The following CACNG1 variants were observed in gnomAD, a reference collection of about 807,000 sequenced individuals.
CACNG1 encodes voltage-dependent calcium channel gamma-1 subunit.
Under a neutral mutation model 22.0 loss-of-function variants are expected in CACNG1, and 21 were observed. The observed-to-expected ratio is 0.95, with a 90% confidence interval of 0.68 to 1.37. The LOEUF (loss-of-function observed/expected upper bound fraction) is 1.37. CACNG1 is among the 40% of genes most tolerant of loss of function. The probability of loss-of-function intolerance (pLI) is 0.00; values close to 1 mark genes in which losing one functional copy is unlikely to be tolerated. For synonymous variants in CACNG1, 127 were observed against 129.2 expected, an observed-to-expected ratio of 0.98 and a Z score of 0.12; for missense variants, 291 against 308.6, an observed-to-expected ratio of 0.94 and a Z score of 0.43.
Position 67,056,058 on chromosome 17 carries a change from C to G in CACNG1, c.456C>G (p.Leu152=). ...CTCTGCCCCCAGGTCTCTGCATCCT[C>G]GTCTCGGTGGAGGTCATGCGGCAGT... The part of the protein sequence containing the change: ...MFYAFAGLCI[L]VSVEVMRQSV... Residue 152 remains leucine (L), a synonymous_variant, in exon 4 of 4, where the codon CTC becomes CTG. Coordinates refer to ENST00000226021, the MANE Select transcript of CACNG1 (RefSeq NM_000727.4). This position sits in a 1 kb window ranked among gnomAD's most constrained non-coding sequence, Gnocchi z 4.3. 6.2e-7 allele frequency: 1 copy of G among 1,611,248 alleles called. No homozygotes were observed. Among genetic ancestry groups the G allele is most frequent in the South Asian group, 1.1e-5 (1 of 91,050 alleles).
intron 1 of CACNG1, among the ~76,000 whole-genome samples, chr17:67,046,257 G>C (rs2035696468): frequency 6.6e-6 from 1 of 152,230 alleles, no homozygotes; most frequent in African/African-American, 2.4e-5. Context: ...CAGTGGAGCA[G>C]AGTGATGTCA....
chr17:67,054,116 T>C lies in CACNG1; in HGVS notation c.304+46T>C, dbSNP rs778716870. 2.7e-6 allele frequency: 4 copies of C among 1,469,540 alleles called. No homozygotes were observed. The highest frequency in any genetic ancestry group is 3.8e-6 in the Non-Finnish European group (4 of 1,048,210). 91.0% of individuals were successfully genotyped at this position (1,469,540 alleles called of 1,614,324 possible). A position where few individuals can be genotyped will look rare whatever the true frequency, so the allele number is the denominator to read the frequency against. On this transcript the variant is annotated intron_variant, in intron 2 of 3. Coordinates refer to ENST00000226021, the MANE Select transcript of CACNG1 (RefSeq NM_000727.4). The surrounding 1 kb of genome is among the most constrained non-coding windows in gnomAD (Gnocchi z 4.6). ...GTCTGGGGTGACAAGAGGGGACTTC[T>C]GTGTTGTGCACCACTGGGCCAGAAA...
chr17:67,053,176 A>T (rs902996922), intron 1 of CACNG1, among the ~76,000 whole-genome samples: 4 of 152,176 alleles, frequency 2.6e-5, no homozygotes, highest in East Asian at 3.9e-4. Context: ...TCTCGCAAAG[A>T]CCAGGGACCC....
At chr17:67,048,851 A>T (rs1463713801) in intron 1 of CACNG1, among the ~76,000 whole-genome samples, 2 of 152,200 alleles carry the variant, frequency 1.3e-5, no homozygotes, top group African/African-American at 4.8e-5. Context: ...CTTTAAGATA[A>T]GTCAGTTGAG....
intron 1 of CACNG1, among the ~76,000 whole-genome samples, chr17:67,045,381 C>T (rs2035690605): frequency 6.6e-6 from 1 of 152,144 alleles, no homozygotes; most frequent in African/African-American, 2.4e-5. Flanking sequence ...TCCAAATTAC[C>T]AAGGATTTCA....
Position 67,056,257 on chromosome 17 carries a change from G to A in CACNG1, c.655G>A (p.Glu219Lys), listed in dbSNP as rs2035761525. 6 of 1,613,892 alleles carry A rather than the reference G, an allele frequency of 3.7e-6. No homozygotes were observed. The East Asian group carries it at 1.3e-4, about 36-fold the overall frequency. The stretch of plus-strand genomic sequence containing the variant: ...CCCATGGGAGTCCTGCATGGATGCT[G>A]AGCCCGAGCACTAACCCTCCTGCGG... ...RNPWESCMDAEPEH is the reference protein window; with the variant it reads ...RNPWESCMDAKPEH The change falls in exon 4 of 4, where the codon GAG (glutamate) becomes AAG (lysine). Residue 219 changes from glutamate (E) to lysine (K), a missense_variant. Glu to Lys is a moderately conservative substitution (Grantham distance 56). Coordinates refer to ENST00000226021, the MANE Select transcript of CACNG1 (RefSeq NM_000727.4). This position sits in a 1 kb window ranked among gnomAD's most constrained non-coding sequence, Gnocchi z 4.3.
rs748252770 is a variant in CACNG1 at position 67,044,721 on chromosome 17, G to C, written c.61G>C (p.Val21Leu). ...CCTCTTCTGCATCCTGGCAGGCATCGTGCTGGCCATGACAGCCGTGGTAAC... is the reference window on the plus strand; with the variant it reads ...CCTCTTCTGCATCCTGGCAGGCATCCTGCTGGCCATGACAGCCGTGGTAAC... The part of the protein sequence containing the change: ...VTLFCILAGI[V>L]LAMTAVVTDH... The change falls in exon 1 of 4, where the codon GTG becomes CTG. Residue 21 changes from valine (V) to leucine (L), a missense_variant. Coordinates refer to ENST00000226021, the MANE Select transcript of CACNG1 (RefSeq NM_000727.4). The surrounding 1 kb of genome is among the most constrained non-coding windows in gnomAD (Gnocchi z 6.9). 1.2e-6 allele frequency: 2 copies of C among 1,612,126 alleles called. No homozygotes were observed. Among genetic ancestry groups the C allele is most frequent in the Non-Finnish European group, 1.7e-6 (2 of 1,179,992 alleles).
chr17:67,051,781 C>T (rs544215714), intron 1 of CACNG1, among the ~76,000 whole-genome samples: 8 of 152,372 alleles, frequency 5.3e-5, no homozygotes, highest in African/African-American at 9.6e-5. Flanking sequence ...CGGAGCCTGG[C>T]GTTTATCTGG....
Position 67,055,980 on chromosome 17 carries a change from G to A in CACNG1, c.443-65G>A. 2 of 1,350,400 alleles carry A rather than the reference G, an allele frequency of 1.5e-6. No individual in the cohort carries two copies. The highest frequency in any genetic ancestry group is 2.1e-6 in the Non-Finnish European group (2 of 958,528). 83.7% of individuals were successfully genotyped at this position (1,350,400 alleles called of 1,614,324 possible). A position where few individuals can be genotyped will look rare whatever the true frequency, so the allele number is the denominator to read the frequency against. On this transcript the variant is annotated intron_variant, in intron 3 of 3. Coordinates refer to ENST00000226021, the MANE Select transcript of CACNG1 (RefSeq NM_000727.4). The surrounding 1 kb of genome is among the most constrained non-coding windows in gnomAD (Gnocchi z 4.5). ...ACCGCCTCCTCCATGCACACAGGCT[G>A]GGATGGGGCTGGTGGCTACGGCAGA...
intron 1 of CACNG1, among the ~76,000 whole-genome samples, chr17:67,046,415 C>T (rs183970064): frequency 6.6e-6 from 1 of 152,110 alleles, no homozygotes; most frequent in Admixed American, 6.5e-5. Flanking sequence ...CCCATCCTCC[C>T]TTGTCTCTGC....
chr17:67,054,402 T>C lies in CACNG1; in HGVS notation c.304+332T>C, dbSNP rs1567767214. Reference sequence around the variant, plus strand: ...TCAGAAGCCCCGTGGTGGCTCTTGGTGGCATGTGATAGTTAGAGTCTGCAG... The same window carrying C: ...TCAGAAGCCCCGTGGTGGCTCTTGGCGGCATGTGATAGTTAGAGTCTGCAG... On this transcript the variant is annotated intron_variant, in intron 2 of 3. Coordinates refer to ENST00000226021, the MANE Select transcript of CACNG1 (RefSeq NM_000727.4). This position sits in a 1 kb window ranked among gnomAD's most constrained non-coding sequence, Gnocchi z 4.6. Among the ~76,000 whole-genome samples the C allele has an allele frequency of 6.6e-6, 1 of 152,134 alleles. No individual in the cohort carries two copies. The highest frequency in any genetic ancestry group is 1.5e-5 in the Non-Finnish European group (1 of 68,016).
At position 67,056,176 on chromosome 17, in the gene CACNG1, C is replaced by T. The variant is rs1400388860; in HGVS notation, c.574C>T (p.Leu192Phe). The change falls in exon 4 of 4, where the codon CTC (leucine) becomes TTC (phenylalanine). Residue 192 changes from leucine (L) to phenylalanine (F), a missense_variant. Coordinates refer to ENST00000226021, the MANE Select transcript of CACNG1 (RefSeq NM_000727.4). This position sits in a 1 kb window ranked among gnomAD's most constrained non-coding sequence, Gnocchi z 4.3. Reference protein sequence around the residue: ...FACACAAFILLFLGGLALLLF... With the variant: ...FACACAAFILFFLGGLALLLF... ...CTGCGCCTGTGCCGCCTTCATCCTCCTCTTTCTCGGCGGTCTCGCCCTCCT... is the reference window on the plus strand; with the variant it reads ...CTGCGCCTGTGCCGCCTTCATCCTCTTCTTTCTCGGCGGTCTCGCCCTCCT... 2 of 1,613,930 alleles carry T rather than the reference C, an allele frequency of 1.2e-6. No homozygotes were observed. Among genetic ancestry groups the T allele is most frequent in the East Asian group, 2.2e-5 (1 of 44,880 alleles).
intron 1 of CACNG1, among the ~76,000 whole-genome samples, chr17:67,049,332 T>C (rs1259634580): frequency 1.3e-5 from 2 of 152,180 alleles, no homozygotes; most frequent in Admixed American, 1.3e-4. Context: ...CATCCCAATC[T>C]TACAGATAAA....
In CACNG1 at chr17:67,044,941, T is replaced by A; in HGVS notation, c.229+52T>A. ...CCCCACCTCCTGCTCTTCCCCGTCA[T>A]CCCCCTGGCAAAGTTGCCCTTGCGA... On this transcript the variant is annotated intron_variant, in intron 1 of 3. Transcript: ENST00000226021. This position sits in a 1 kb window ranked among gnomAD's most constrained non-coding sequence, Gnocchi z 6.9. 1 of 1,466,682 alleles carries A rather than the reference T, an allele frequency of 6.8e-7. No individual in the cohort carries two copies. The highest frequency in any genetic ancestry group is 9.4e-7 in the Non-Finnish European group (1 of 1,067,048). 90.9% of individuals were successfully genotyped at this position (1,466,682 alleles called of 1,614,324 possible).
chr17:67,044,590 C>T lies in CACNG1; in HGVS notation c.-71C>T, dbSNP rs1005781964. The T allele has an allele frequency of 6.7e-5, 67 of 1,007,040 alleles. No individual in the cohort carries two copies. The Middle Eastern group carries it at 7.0e-4, about 11-fold the overall frequency. The allele number at this position is 1,007,040 out of a possible 1,614,324, so 62.4% of individuals were successfully genotyped here. On this transcript the variant is annotated 5_prime_UTR_variant, in exon 1 of 4. Coordinates refer to ENST00000226021, the MANE Select transcript of CACNG1 (RefSeq NM_000727.4). This position sits in a 1 kb window ranked among gnomAD's most constrained non-coding sequence, Gnocchi z 6.9. ...GACAACCACTGCCACCCCCCAAGCT[C>T]GGCTTGTCACCTGCCCTAGGAGACG...
Position 67,055,293 on chromosome 17 carries a change from G to C in CACNG1, c.442+53G>C. 1 of 1,569,944 alleles carries C rather than the reference G, an allele frequency of 6.4e-7. No individual in the cohort carries two copies. Among genetic ancestry groups the C allele is most frequent in the Non-Finnish European group, 8.7e-7 (1 of 1,151,318 alleles). On this transcript the variant is annotated intron_variant, in intron 3 of 3. Transcript: ENST00000226021. This position sits in a 1 kb window ranked among gnomAD's most constrained non-coding sequence, Gnocchi z 4.5. The stretch of plus-strand genomic sequence containing the variant: ...GGGGCCGGGGGACCATGTCGCGGGG[G>C]ATTCTCCGCTCCACCCTCATGCCCA...
intron 1 of CACNG1, among the ~76,000 whole-genome samples, chr17:67,053,611 G>A (rs1328949860): frequency 1.3e-5 from 2 of 152,208 alleles, no homozygotes; most frequent in African/African-American, 2.4e-5. Flanking sequence ...GTCCCCTGGG[G>A]GGGCAGAATC....
chr17:67,049,742 C>T (rs1356205280), intron 1 of CACNG1, among the ~76,000 whole-genome samples: 2 of 152,188 alleles, frequency 1.3e-5, no homozygotes, highest in Non-Finnish European at 2.9e-5. Flanking sequence ...GAAAACACAG[C>T]TCCTAAAAGC....
At chr17:67,051,248 G>C (rs2035726428) in intron 1 of CACNG1, among the ~76,000 whole-genome samples, 1 of 152,138 alleles carries the variant, frequency 6.6e-6, no homozygotes, top group Admixed American at 6.5e-5. Context: ...AGGGAGGGAA[G>C]GGGCTCATAG....
Sources: gnomAD v4.1 joint callset for allele counts (sites outside exome capture counted in the v4.1 genomes callset) on GRCh38, gnomAD v4.1.1 for gene constraint, Gnocchi (gnomAD v3.1) non-coding constraint, MANE v1.5 for transcripts, NCBI Gene and HGNC (gene_info 2026-07-23, HGNC 2026-07-21) for gene names.